Variants in SPMIP11 observed in about 807,000 individuals in gnomAD.
The protein encoded by SPMIP11 is sperm microtubule inner protein 11, also known as long intergenic non-protein coding RNA 935.
the SPMIP11 span, chr12:48,768,896 G>A: frequency 1.7e-5 from 27 of 1,581,988 alleles, no homozygotes; most frequent in South Asian, 1.2e-4. Flanking sequence ...GAAGCCCTCC[G>A]GGCCCATGTT....
At chr12:48,743,902 C>T in the SPMIP11 span, among the ~76,000 whole-genome samples, 2 of 127,890 alleles carry the variant, frequency 1.6e-5, no homozygotes, top group African/African-American at 6.3e-5. Context: ...ATTTGCACTC[C>T]AGCCTGGGGA....
chr12:48,764,847 T>A, the SPMIP11 span: 1 of 702,702 alleles, frequency 1.4e-6, no homozygotes, highest in South Asian at 1.5e-5. Flanking sequence ...CCCCACCCAT[T>A]CAGTTCCCAA....
At chr12:48,769,737 C>T in the SPMIP11 span, among the ~76,000 whole-genome samples, 2 of 150,686 alleles carry the variant, frequency 1.3e-5, no homozygotes, top group Non-Finnish European at 2.9e-5. Flanking sequence ...CAGACATGTA[C>T]CACCACACCC....
At chr12:48,751,326 A>G in the SPMIP11 span, among the ~76,000 whole-genome samples, 1 of 152,226 alleles carries the variant, frequency 6.6e-6, no homozygotes, top group East Asian at 1.9e-4. Context: ...TCAGAAACTC[A>G]GTTTAAGCCA....
chr12:48,742,654 C>T, the SPMIP11 span, among the ~76,000 whole-genome samples: 8 of 151,918 alleles, frequency 5.3e-5, no homozygotes, highest in East Asian at 2.0e-4. Flanking sequence ...GAGGCCGAGG[C>T]GGGTGGATCA....
chr12:48,740,545 T>C, the SPMIP11 span, among the ~76,000 whole-genome samples: 1 of 150,450 alleles, frequency 6.6e-6, no homozygotes, highest in East Asian at 1.9e-4. Context: ...CAGGCTGCAA[T>C]GCATTGAGGT....
the SPMIP11 span, among the ~76,000 whole-genome samples, chr12:48,728,707 C>CAAAAAAA: frequency 1.8e-4 from 13 of 70,974 alleles, no homozygotes; most frequent in African/African-American, 6.6e-4. Flanking sequence ...GACTCTGTCT[C>CAAAAAAA]AAAAAAAAAA....
chr12:48,744,267 A>T, the SPMIP11 span, among the ~76,000 whole-genome samples: 75 of 136,976 alleles, frequency 5.5e-4, no homozygotes, highest in Non-Finnish European at 9.2e-4. Flanking sequence ...AAAAAAAAAA[A>T]GTGTGGTACA....
chr12:48,755,875 C>CTTTTTTTT, the SPMIP11 span, among the ~76,000 whole-genome samples: 2 of 101,628 alleles, frequency 2.0e-5, no homozygotes, highest in African/African-American at 3.6e-5. Flanking sequence ...CAGTTTCTTT[C>CTTTTTTTT]TTTTTTTTTT....
At chr12:48,740,195 A>C in the SPMIP11 span, among the ~76,000 whole-genome samples, 1 of 152,234 alleles carries the variant, frequency 6.6e-6, no homozygotes, top group Admixed American at 6.6e-5. Context: ...TCAAAATTAT[A>C]GAAAATGTGT....
At chr12:48,743,717 G>T in the SPMIP11 span, among the ~76,000 whole-genome samples, 1 of 151,676 alleles carries the variant, frequency 6.6e-6, no homozygotes, top group Non-Finnish European at 1.5e-5. Flanking sequence ...CAAGGCGGGC[G>T]GATCGCCTGA....
chr12:48,732,764 C>T, the SPMIP11 span, among the ~76,000 whole-genome samples: 8 of 150,500 alleles, frequency 5.3e-5, no homozygotes, highest in African/African-American at 1.5e-4. Context: ...GAGCAAAACT[C>T]CATCTGAAAA....
the SPMIP11 span, among the ~76,000 whole-genome samples, chr12:48,746,283 T>G: frequency 6.6e-6 from 1 of 151,924 alleles, no homozygotes; most frequent in East Asian, 1.9e-4. Flanking sequence ...AAAACCAACA[T>G]TTCTGACTTC....
At chr12:48,756,631 A>G in the SPMIP11 span, among the ~76,000 whole-genome samples, 4 of 152,192 alleles carry the variant, frequency 2.6e-5, no homozygotes, top group African/African-American at 9.6e-5. Flanking sequence ...CAATTTCCAA[A>G]GAGAATGGTA....
the SPMIP11 span, among the ~76,000 whole-genome samples, chr12:48,770,223 C>T: frequency 1.6e-4 from 24 of 152,120 alleles, no homozygotes; most frequent in Middle Eastern, 3.4e-3. Context: ...CCTTTCAACA[C>T]CTCTAAAAGG....
At chr12:48,748,513 C>T in the SPMIP11 span, among the ~76,000 whole-genome samples, 1 of 150,464 alleles carries the variant, frequency 6.6e-6, no homozygotes, top group Admixed American at 6.6e-5. Flanking sequence ...AAAAAAAAAG[C>T]ATGCCAATTG....
the SPMIP11 span, chr12:48,727,490 T>G: frequency 1.4e-6 from 1 of 702,974 alleles, no homozygotes; most frequent in South Asian, 1.5e-5. Context: ...GATGGCCTTC[T>G]TCAACTTGTA....
chr12:48,757,420 G>A, the SPMIP11 span, among the ~76,000 whole-genome samples: 2 of 151,974 alleles, frequency 1.3e-5, no homozygotes, highest in African/African-American at 4.8e-5. Context: ...GGCGGAGGCA[G>A]GTGGATCATG....
the SPMIP11 span, among the ~76,000 whole-genome samples, chr12:48,741,468 C>CCGATATGATG: frequency 0.024 from 3,592 of 152,138 alleles, 149 homozygotes; most frequent in African/African-American, 0.082. Context: ...CAGGAATAAG[C>CCGATATGATG]GACATTATAT....
Sources: allele counts gnomAD v4.1 joint callset (sites outside exome capture counted in the v4.1 genomes callset), GRCh38; gene constraint gnomAD v4.1.1; transcripts MANE v1.5; gene names NCBI Gene and HGNC (gene_info 2026-07-23, HGNC 2026-07-21).